Variants in WDR76 observed in about 807,000 individuals in gnomAD.
WDR76 encodes the protein WD repeat domain 76.
In WDR76, 52 loss-of-function variants were observed where a neutral mutation model predicts 70.2. The observed-to-expected ratio is 0.74, with a 90% confidence interval of 0.59 to 0.93. The LOEUF (loss-of-function observed/expected upper bound fraction) is 0.93. Among genes scored for constraint, WDR76 ranks in the 40% least tolerant of loss-of-function variants. The pLI, the probability that WDR76 is intolerant of heterozygous loss-of-function variation, is 0.00. For synonymous variants in WDR76, 292 were observed against 271.1 expected (o/e 1.08, Z -0.76); for missense variants, 756 against 760.2 (o/e 0.99, Z 0.07).
At chr15:43,854,225 G>A (rs1567190575) in intron 9 of WDR76, among the ~76,000 whole-genome samples, 1 of 152,074 alleles carries the variant, frequency 6.6e-6, no homozygotes, top group Admixed American at 6.6e-5. Flanking sequence ...GAAAGCACAT[G>A]TCCACACAAA....
intron 11 of WDR76, among the ~76,000 whole-genome samples, chr15:43,860,008 C>T (rs1044949092): frequency 5.3e-5 from 8 of 152,212 alleles, no homozygotes; most frequent in East Asian, 3.9e-4. Flanking sequence ...CCCAGCATTT[C>T]GGGAGGCTGA....
rs891279332 is a variant in WDR76 at position 43,845,635 on chromosome 15, C to A, written c.1032+1581C>A. 1.1e-4 allele frequency among the ~76,000 whole-genome samples: 17 copies of A among 150,384 alleles called. 1 individual carries two copies. The highest frequency in any genetic ancestry group is 8.6e-4 in the Admixed American group (13 of 15,100). On this transcript the variant is annotated intron_variant, in intron 8 of 12. Transcript: ENST00000263795. ...TCCCAAATGGACTAAGAAACAGTTT[C>A]TAAGCTGTATCAAAATATCTTCCCA...
chr15:43,850,396 T>C (rs1050661762), intron 8 of WDR76, among the ~76,000 whole-genome samples: 5 of 151,814 alleles, frequency 3.3e-5, no homozygotes, highest in African/African-American at 7.3e-5. Context: ...CCCGGATTCA[T>C]GCCATTCTCC....
In WDR76 at chr15:43,839,688, C is replaced by T. The variant is rs1229385577; in HGVS notation, c.692C>T (p.Pro231Leu). ...LKVDPSGVSL[P>L]AAPTPPTLVA... ...GTTGATCCTTCGGGAGTTTCATTAC[C>T]AGCAGCTCCAACACCGCCGACATTA... The change falls in exon 5 of 13, where the codon CCA becomes CTA. Residue 231 changes from proline to leucine, a missense_variant. Pro to Leu is a moderately conservative substitution (Grantham distance 98). Transcript: ENST00000263795. 3 of 1,611,364 alleles carry T rather than the reference C, an allele frequency of 1.9e-6. No individual in the cohort carries two copies. The Admixed American group carries it at 5.0e-5, about 27-fold the overall frequency.
At chr15:43,837,059 A>G (rs2087666144) in intron 4 of WDR76, among the ~76,000 whole-genome samples, 1 of 151,638 alleles carries the variant, frequency 6.6e-6, no homozygotes, top group Non-Finnish European at 1.5e-5. Flanking sequence ...AAAAAAAACA[A>G]AAAAAAACAA....
intron 8 of WDR76, among the ~76,000 whole-genome samples, chr15:43,849,877 T>C (rs2087834965): frequency 6.6e-6 from 1 of 152,134 alleles, no homozygotes; most frequent in Non-Finnish European, 1.5e-5. Flanking sequence ...CATTTCTGCA[T>C]TGTTTGAGTT....
chr15:43,866,126 A>G lies in WDR76; in HGVS notation c.1617-2A>G. 6.2e-7 allele frequency: 1 copy of G among 1,613,842 alleles called. No homozygotes were observed. Among genetic ancestry groups the G allele is most frequent in the Non-Finnish European group, 8.5e-7 (1 of 1,179,712 alleles). On this transcript the variant is annotated splice_acceptor_variant, in intron 12 of 12. Transcript: ENST00000263795. LOFTEE classifies it high-confidence loss of function. ...TAAAAAATATATTGTTTTCCTCACT[A>G]GGCACAACACTTTCACTGGGCGATG... is the stretch of plus-strand genomic sequence containing the variant.
chr15:43,833,606 A>C (rs1596067151), intron 2 of WDR76, among the ~76,000 whole-genome samples: 1 of 149,630 alleles, frequency 6.7e-6, no homozygotes, highest in African/African-American at 2.5e-5. Flanking sequence ...GGCGTGAGCC[A>C]CTGCTCCCAG....
chr15:43,829,145 C>T (rs1170041716), intron 2 of WDR76, among the ~76,000 whole-genome samples: 1 of 152,072 alleles, frequency 6.6e-6, no homozygotes, highest in African/African-American at 2.4e-5. Flanking sequence ...TGTGATCCAC[C>T]CGCCTCAGCC....
Position 43,836,232 on chromosome 15 carries a change from T to G in WDR76, c.608+16T>G, listed in dbSNP as rs1596069076. ...AATCCAAAAGGTAAAATATCTAGTT[T>G]GCAATGCCTGAACCATGATACATTG... On this transcript the variant is annotated intron_variant, in intron 4 of 12. Transcript: ENST00000263795. The G allele has an allele frequency of 6.2e-7, 1 of 1,606,808 alleles. No individual in the cohort carries two copies. The highest frequency in any genetic ancestry group is 2.2e-5 in the East Asian group (1 of 44,712).
rs1567195993 is a variant in WDR76, at chr15:43,867,872, C to CA, written c.*1480_*1481insA. 6.6e-6 allele frequency: 1 copy of CA among 152,114 alleles called. No homozygotes were observed. Among genetic ancestry groups the CA allele is most frequent in the African/African-American group, 2.4e-5 (1 of 41,424 alleles). 9.4% of individuals were successfully genotyped at this position (152,114 alleles called of 1,614,324 possible). The stretch of plus-strand genomic sequence containing the variant: ...ATATTACTGTGTGACATCTATCCAA[C>CA]TTTTTTCATTATTCTTCATTGCCAA... On this transcript the variant is annotated 3_prime_UTR_variant, in exon 13 of 13. Transcript: ENST00000263795.
At position 43,858,086 on chromosome 15, in the gene WDR76, C is replaced by A. The variant is rs1003633533; in HGVS notation, c.1410-585C>A. The stretch of plus-strand genomic sequence containing the variant: ...TAGCTGGGATTATAGGCGTGCACTA[C>A]CATACCTAGCTAATGTTTGTATTTT... On this transcript the variant is annotated intron_variant, in intron 10 of 12. Coordinates refer to ENST00000263795, the MANE Select transcript of WDR76 (RefSeq NM_024908.4). 1.0e-4 allele frequency among the ~76,000 whole-genome samples: 15 copies of A among 149,710 alleles called. 1 individual carries two copies. Among genetic ancestry groups the A allele is most frequent in the Middle Eastern group, 3.5e-3 (1 of 284 alleles).
chr15:43,855,163 C>G lies in WDR76; in HGVS notation c.1192-1783C>G, dbSNP rs533734972. ...TACCTAGAGTAACAGTTTTAAGATGCGTTCATGCTATTGCATATATTCGTA... is the reference window on the plus strand; with the variant it reads ...TACCTAGAGTAACAGTTTTAAGATGGGTTCATGCTATTGCATATATTCGTA... On this transcript the variant is annotated intron_variant, in intron 9 of 12. Coordinates refer to ENST00000263795, the MANE Select transcript of WDR76 (RefSeq NM_024908.4). Among the ~76,000 whole-genome samples, 4 of 152,248 alleles carry G rather than the reference C, an allele frequency of 2.6e-5. No homozygotes were observed. In the South Asian group the frequency reaches 8.3e-4, roughly 32 times the overall value.
In WDR76 at chr15:43,849,062, C is replaced by T. The variant is rs548243873; in HGVS notation, c.1033-2025C>T. Among the ~76,000 whole-genome samples, 29 of 150,528 alleles carry T rather than the reference C, an allele frequency of 1.9e-4. No homozygotes were observed. The East Asian group carries it at 4.7e-3, about 24-fold the overall frequency. The stretch of plus-strand genomic sequence containing the variant: ...TGGTGGTGGGTGCCTGTAATCCCAG[C>T]GACTCAGGAGGCTGAGACAGGAGAA... On this transcript the variant is annotated intron_variant, in intron 8 of 12. Transcript: ENST00000263795.
At chr15:43,850,187 T>G (rs1016679361) in intron 8 of WDR76, among the ~76,000 whole-genome samples, 3 of 152,134 alleles carry the variant, frequency 2.0e-5, no homozygotes, top group African/African-American at 7.2e-5. Context: ...GAGCTGGCAA[T>G]CCAGTTGTGG....
At chr15:43,842,324 TGTG>T in intron 5 of WDR76, 88 bp from the exon 6 acceptor site, 3 of 1,101,304 alleles carry the variant, frequency 2.7e-6, no homozygotes, top group Non-Finnish European at 2.7e-6. Context: ...AAAGTGAAGT[TGTG>T]GGGAAAACAG....
Position 43,866,479 on chromosome 15 carries a change from T to A in WDR76, c.*87T>A. 2 of 1,436,554 alleles carry A rather than the reference T, an allele frequency of 1.4e-6. No individual in the cohort carries two copies. 89.0% of individuals were successfully genotyped at this position (1,436,554 alleles called of 1,614,324 possible). A position where few individuals can be genotyped will look rare whatever the true frequency, so the allele number is the denominator to read the frequency against. ...GGCGTGCCTTAGTGTGTTTATGTGG[T>A]AATGTGTTACATTTAGCAATTATAA... is the stretch of plus-strand genomic sequence containing the variant. On this transcript the variant is annotated 3_prime_UTR_variant, in exon 13 of 13. Transcript: ENST00000263795.
At chr15:43,830,474 A>G (rs1411841693) in intron 2 of WDR76, among the ~76,000 whole-genome samples, 1 of 150,616 alleles carries the variant, frequency 6.6e-6, no homozygotes, top group Admixed American at 6.7e-5. Context: ...AGGCAGGAGA[A>G]TCTCTTGAAC....
chr15:43,845,728 T>C (rs1334159116), intron 8 of WDR76, among the ~76,000 whole-genome samples: 1 of 150,536 alleles, frequency 6.6e-6, no homozygotes, highest in East Asian at 1.9e-4. Context: ...TTCCATTCAT[T>C]GTGCATATAA....
Sources: gnomAD v4.1 joint callset for allele counts (sites outside exome capture counted in the v4.1 genomes callset) on GRCh38, gnomAD v4.1.1 for gene constraint, MANE v1.5 for transcripts, NCBI Gene and HGNC (gene_info 2026-07-23, HGNC 2026-07-21) for gene names.